Variants in FKBP3 observed in about 807,000 individuals in gnomAD.
FKBP3 encodes peptidyl-prolyl cis-trans isomerase FKBP3.
In FKBP3, 21 loss-of-function variants were observed where a neutral mutation model predicts 30.6. The observed-to-expected ratio is 0.69, with a 90% CI of 0.49 to 0.99. The LOEUF (loss-of-function observed/expected upper bound fraction) is 0.99. Ranked by LOEUF, FKBP3 falls within the 50% of genes least tolerant of loss-of-function variation. The pLI, the probability that FKBP3 is intolerant of heterozygous loss-of-function variation, is 0.00. For missense variants in FKBP3, 283 were observed against 261.6 expected, an observed-to-expected ratio of 1.08 and a Z score of -0.56; for synonymous variants, 82 against 91.3, an observed-to-expected ratio of 0.90 and a Z score of 0.58.
At chr14:45,118,299 CT>C (rs1884901294) in intron 5 of FKBP3, among the ~76,000 whole-genome samples, 174 bp from the exon 6 acceptor site, 2 of 151,978 alleles carry the variant, frequency 1.3e-5, no homozygotes, top group South Asian at 4.1e-4. Flanking sequence ...TCTTCCATTT[CT>C]TCAATAGAAA....
intron 5 of FKBP3, among the ~76,000 whole-genome samples, chr14:45,119,085 G>T (rs1420046901): frequency 6.6e-6 from 1 of 152,138 alleles, no homozygotes; most frequent in Non-Finnish European, 1.5e-5. Flanking sequence ...ACTTTTCAAA[G>T]AAACAATAAA....
chr14:45,129,048 T>A (rs1885160496), intron 3 of FKBP3, among the ~76,000 whole-genome samples: 1 of 152,268 alleles, frequency 6.6e-6, no homozygotes, highest in Non-Finnish European at 1.5e-5. Context: ...TAACTAGCTT[T>A]AATCAAATAA....
At chr14:45,121,403 T>C (rs1233371069) in intron 4 of FKBP3, 82 bp downstream of exon 4, 1 of 1,133,018 alleles carries the variant, frequency 8.8e-7, no homozygotes, top group Non-Finnish European at 1.3e-6. Context: ...AGGAAAAAGG[T>C]ACTGCTAACT....
chr14:45,129,066 T>C (rs1018464689), intron 3 of FKBP3, among the ~76,000 whole-genome samples: 2 of 152,238 alleles, frequency 1.3e-5, no homozygotes, highest in African/African-American at 2.4e-5. Context: ...TAAACATCTA[T>C]AATTGTATAA....
chr14:45,117,190 T>C (rs1382355702), intron 6 of FKBP3, among the ~76,000 whole-genome samples: 1 of 152,200 alleles, frequency 6.6e-6, no homozygotes, highest in Non-Finnish European at 1.5e-5. Context: ...CAGGCTGGTT[T>C]TGAACTCCTG....
chr14:45,134,408 T>C lies in FKBP3; in HGVS notation c.49A>G (p.Ser17Gly). The C allele has an allele frequency of 6.2e-7, 1 of 1,613,432 alleles. No homozygotes were observed. Residue 17 changes from serine to glycine, a missense_variant, in exon 1 of 7, where the codon AGT becomes GGT. Coordinates refer to ENST00000396062, the MANE Select transcript of FKBP3 (RefSeq NM_002013.4). ...QRAWTVEQLR[S>G]EQLPKKDIIK... is the part of the protein sequence containing the mutation. ...ATGTCCTTCTTGGGCAGCTGCTCAC[T>C]GCGCAGCTGCTCCACGGTCCACGCC...
At chr14:45,125,178 A>G (rs1885070275) in intron 3 of FKBP3, among the ~76,000 whole-genome samples, 1 of 152,196 alleles carries the variant, frequency 6.6e-6, no homozygotes, top group Non-Finnish European at 1.5e-5. Flanking sequence ...AGCCTCCCAA[A>G]GTGTTGGGAT....
At chr14:45,120,991 T>G in intron 4 of FKBP3, 37 bp from the exon 5 acceptor site, 1 of 1,432,108 alleles carries the variant, frequency 7.0e-7, no homozygotes, top group Non-Finnish European at 9.7e-7. Flanking sequence ...AATGATATAC[T>G]CTAATTTATT....
Position 45,120,933 on chromosome 14 carries a change from G to A in FKBP3, c.476C>T (p.Ala159Val), listed in dbSNP as rs763803360. The change falls in exon 5 of 7, where the codon GCC (alanine) becomes GTC (valine). Residue 159 changes from alanine (A) to valine (V), a missense_variant. Transcript: ENST00000396062. ...TCCGACCTTAAAACTTAAAGGCTTG[G>A]CATTTTTCTTCTTCTTTGCACCTGT... ...IQTSAKKKKN[A>V]KPLSFKVGVG... The A allele has an allele frequency of 6.2e-7, 1 of 1,612,900 alleles. No homozygotes were observed. Among genetic ancestry groups the A allele is most frequent in the South Asian group, 1.1e-5 (1 of 91,028 alleles).
At position 45,123,602 on chromosome 14, in the gene FKBP3, CTTTTTTTTTTTTTTTTT is replaced by C. The variant is rs200242313; in HGVS notation, c.319-1999_319-1983del. 5.0e-3 allele frequency among the ~76,000 whole-genome samples: 419 copies of C among 84,304 alleles called. 8 individuals are homozygous for C. The highest frequency in any genetic ancestry group is 0.025 in the African/African-American group (396 of 15,960). 55.3% of individuals were successfully genotyped at this position (84,304 alleles called of 152,430 possible). ...ACTCTGCTTAAATCCCTCTCTACTC[CTTTTTTTTTTTTTTTTT>C]TTTTTTTTTTTTTCAGATGGAGTCT... On this transcript the variant is annotated intron_variant, in intron 3 of 6. Transcript: ENST00000396062.
At chr14:45,130,062 G>T (rs1885181643) in intron 2 of FKBP3, among the ~76,000 whole-genome samples, 161 bp from the exon 3 acceptor site, 1 of 152,112 alleles carries the variant, frequency 6.6e-6, no homozygotes, top group Non-Finnish European at 1.5e-5. Context: ...AGCAAAGAAA[G>T]AATTTTGCTC....
intron 2 of FKBP3, 107 bp downstream of exon 2, chr14:45,130,592 G>A: frequency 3.3e-6 from 2 of 612,726 alleles, no homozygotes; most frequent in Non-Finnish European, 5.4e-6. Context: ...AAAAATTACA[G>A]GTGGAAAAGC....
intron 1 of FKBP3, among the ~76,000 whole-genome samples, chr14:45,131,413 C>T (rs1458473049): frequency 6.6e-6 from 1 of 151,880 alleles, no homozygotes; most frequent in Non-Finnish European, 1.5e-5. Flanking sequence ...AGGCGGATCA[C>T]CTGAGGTCAG....
At chr14:45,122,246 C>T (rs958406011) in intron 3 of FKBP3, among the ~76,000 whole-genome samples, 6 of 151,676 alleles carry the variant, frequency 4.0e-5, no homozygotes, top group Admixed American at 3.3e-4. Flanking sequence ...GGAAAGCAGA[C>T]AGAGGAACTG....
At chr14:45,126,811 C>T (rs1885108355) in intron 3 of FKBP3, among the ~76,000 whole-genome samples, 1 of 151,996 alleles carries the variant, frequency 6.6e-6, no homozygotes, top group Admixed American at 6.6e-5. Flanking sequence ...CAGCATGACC[C>T]TGTCTCTTTT....
chr14:45,131,822 TAATA>T (rs1037031980), intron 1 of FKBP3, among the ~76,000 whole-genome samples: 8 of 152,142 alleles, frequency 5.3e-5, no homozygotes, highest in Admixed American at 1.3e-4. Context: ...AGTAAGAACT[TAATA>T]AATATTGGGA....
intron 3 of FKBP3, among the ~76,000 whole-genome samples, chr14:45,123,602 CTTTTTTTTTTTTTTTT>C (rs200242313): frequency 2.0e-4 from 17 of 84,308 alleles, no homozygotes; most frequent in African/African-American, 9.4e-4. Context: ...CTCTCTACTC[CTTTTTTTTTTTTTTTT>C]TTTTTTTTTT....
chr14:45,130,602 C>G (rs947444947), intron 2 of FKBP3, 97 bp downstream of exon 2: 3 of 685,232 alleles, frequency 4.4e-6, no homozygotes, highest in Non-Finnish European at 7.1e-6. Context: ...GGTGGAAAAG[C>G]TCCAACACAT....
intron 2 of FKBP3, 120 bp downstream of exon 2, chr14:45,130,579 C>G: frequency 3.5e-6 from 2 of 563,822 alleles, no homozygotes; most frequent in South Asian, 5.6e-5. Context: ...GATAACAGTT[C>G]AGAAAAATTA....
Sources: allele counts gnomAD v4.1 joint callset (sites outside exome capture counted in the v4.1 genomes callset), GRCh38; gene constraint gnomAD v4.1.1; transcripts MANE v1.5; gene names NCBI Gene and HGNC (gene_info 2026-07-23, HGNC 2026-07-21).